TFEB: variants seen among roughly 807,000 people sequenced by gnomAD.
TFEB encodes transcription factor EB, also known as T-cell transcription factor EB.
Under a neutral mutation model 48.0 loss-of-function variants are expected in TFEB, and 12 were observed. That is an observed-to-expected ratio of 0.25 (90% confidence interval 0.16 to 0.40). The LOEUF (loss-of-function observed/expected upper bound fraction) is 0.40, where lower values mean the gene tolerates loss of function less well. Among genes scored for constraint, TFEB ranks in the 10% least tolerant of loss-of-function variants. The pLI is 1.00. For synonymous variants in TFEB, 244 were observed against 261.4 expected (o/e 0.93, Z 0.64); for missense variants, 509 against 640.3 (o/e 0.79, Z 2.21).
At chr6:41,703,369 C>T (rs1020484720) in intron 1 of TFEB, among the ~76,000 whole-genome samples, 1 of 152,192 alleles carries the variant, frequency 6.6e-6, no homozygotes, top group Non-Finnish European at 1.5e-5. Flanking sequence ...AAGCCACCCC[C>T]GCCTCAGCCC....
chr6:41,686,141 G>C lies in TFEB; in HGVS notation c.900C>G (p.Asn300Lys). 3.1e-6 allele frequency: 5 copies of C among 1,614,254 alleles called. No individual in the cohort carries two copies. The East Asian group carries it at 8.9e-5, about 29-fold the overall frequency. ...KDLQKSRELE[N>K]HSRRLEMTNK... ...TGGTCATCTCCAGGCGGCGAGAGTG[G>C]TTCTCCAGCTCCCTGGACTTTTGCA... The change falls in exon 8 of 9, where the codon AAC becomes AAG. Residue 300 changes from asparagine (N) to lysine (K), a missense_variant. Coordinates refer to ENST00000373033, the MANE Select transcript of TFEB (RefSeq NM_001271944.2).
chr6:41,733,346 TCCCCTGC>T (rs1342725948), intron 1 of TFEB: 1 of 155,906 alleles, frequency 6.4e-6, no homozygotes, highest in African/African-American at 2.4e-5. Context: ...ACCTAGGGTG[TCCCCTGC>T]CCTATCCCCT....
chr6:41,697,654 C>T lies in TFEB; in HGVS notation c.-22-6419G>A, dbSNP rs6910884. Among the ~76,000 whole-genome samples, 1,025 of 152,112 alleles carry T rather than the reference C, an allele frequency of 6.7e-3. 6 individuals are homozygous for T. Among genetic ancestry groups the T allele is most frequent in the African/African-American group, 0.023 (974 of 41,470 alleles). On this transcript the variant is annotated intron_variant, in intron 1 of 8. Transcript: ENST00000373033. ...AAGCCTTGAAAAATATTCACCAGTC[C>T]AAGGAAGTAATCATAGATGCAGAAA...
At chr6:41,731,048 C>T (rs1355076519) in intron 1 of TFEB, among the ~76,000 whole-genome samples, 2 of 152,180 alleles carry the variant, frequency 1.3e-5, no homozygotes, top group Non-Finnish European at 2.9e-5. Flanking sequence ...TAGAGCTCTC[C>T]ATGCCTCTAT....
At chr6:41,733,141 G>A in intron 1 of TFEB, 1 of 732,460 alleles carries the variant, frequency 1.4e-6, no homozygotes, top group Non-Finnish European at 1.7e-6. Context: ...AGGGCAGCCA[G>A]ACTTGAGGGG....
intron 6 of TFEB, among the ~76,000 whole-genome samples, chr6:41,687,395 TGG>T (rs1769067501): frequency 6.6e-6 from 1 of 152,220 alleles, no homozygotes; most frequent in Admixed American, 6.5e-5. Context: ...GAATCAGCCA[TGG>T]TGATGCTCGT....
intron 1 of TFEB, among the ~76,000 whole-genome samples, chr6:41,715,205 C>A (rs761983866): frequency 1.3e-5 from 2 of 152,092 alleles, no homozygotes; most frequent in African/African-American, 2.4e-5. Context: ...CTCCATGTTG[C>A]GGAAGTCTGG....
At chr6:41,728,238 C>T (rs1407066312) in intron 1 of TFEB, among the ~76,000 whole-genome samples, 2 of 152,242 alleles carry the variant, frequency 1.3e-5, no homozygotes, top group Non-Finnish European at 2.9e-5. Flanking sequence ...CTTGTTCCCA[C>T]CCGCCCTGCT....
chr6:41,725,263 G>A (rs1386012726), intron 1 of TFEB, among the ~76,000 whole-genome samples: 1 of 152,154 alleles, frequency 6.6e-6, no homozygotes, highest in East Asian at 1.9e-4. Flanking sequence ...GATGTTTAGT[G>A]GTATCCCTGG....
intron 1 of TFEB, among the ~76,000 whole-genome samples, chr6:41,694,109 C>T (rs372292247): frequency 6.6e-6 from 1 of 152,208 alleles, no homozygotes; most frequent in East Asian, 1.9e-4. Context: ...GAATGATCCC[C>T]TTGTTTCTCT....
In TFEB at chr6:41,735,495, C is replaced by T. The variant is rs1771643871; in HGVS notation, c.-168G>A. ...GTGCCACCAGGGAGGCCCGCCCCGT[C>T]CGCCCTTCCCGCCGCCGTCGGCGCC... On this transcript the variant is annotated 5_prime_UTR_variant, in exon 1 of 9. Coordinates refer to ENST00000373033, the MANE Select transcript of TFEB (RefSeq NM_001271944.2). 1 of 984,558 alleles carries T rather than the reference C, an allele frequency of 1.0e-6. No homozygotes were observed. Among genetic ancestry groups the T allele is most frequent in the Non-Finnish European group, 1.2e-6 (1 of 829,734 alleles). 61.0% of individuals were successfully genotyped at this position (984,558 alleles called of 1,614,324 possible). A position where few individuals can be genotyped will look rare whatever the true frequency, so the allele number is the denominator to read the frequency against.
chr6:41,693,346 T>G (rs1213018719), intron 1 of TFEB, among the ~76,000 whole-genome samples: 1 of 152,216 alleles, frequency 6.6e-6, no homozygotes, highest in African/African-American at 2.4e-5. Flanking sequence ...CTCCTTCACC[T>G]GGAAGAGCCC....
chr6:41,707,520 C>T (rs1770291065), intron 1 of TFEB, among the ~76,000 whole-genome samples: 1 of 152,208 alleles, frequency 6.6e-6, no homozygotes, highest in Admixed American at 6.5e-5. Flanking sequence ...AGGCCCAGCC[C>T]CTGCCCCATC....
intron 1 of TFEB, among the ~76,000 whole-genome samples, chr6:41,716,728 TA>T (rs1198078738): frequency 6.6e-6 from 1 of 151,888 alleles, no homozygotes; most frequent in Admixed American, 6.6e-5. Context: ...GAAACAGGGC[TA>T]AAAATAGACT....
chr6:41,691,251 G>C lies in TFEB; in HGVS notation c.-22-16C>G. 3 of 1,557,070 alleles carry C rather than the reference G, an allele frequency of 1.9e-6. No homozygotes were observed. The highest frequency in any genetic ancestry group is 2.6e-6 in the Non-Finnish European group (3 of 1,149,048). On this transcript the variant is annotated splice_polypyrimidine_tract_variant and intron_variant, in intron 1 of 8. Coordinates refer to ENST00000373033, the MANE Select transcript of TFEB (RefSeq NM_001271944.2). The surrounding 1 kb of genome is among the most constrained non-coding windows in gnomAD (Gnocchi z 5.2). ...CGCTGGCTCCCTGTGGATGAGAAGGGGCAGCAGGTATATGAGGCACGTGTC... is the reference window on the plus strand; with the variant it reads ...CGCTGGCTCCCTGTGGATGAGAAGGCGCAGCAGGTATATGAGGCACGTGTC...
intron 1 of TFEB, among the ~76,000 whole-genome samples, chr6:41,725,638 C>A (rs1771173916): frequency 6.6e-6 from 1 of 152,224 alleles, no homozygotes; most frequent in South Asian, 2.1e-4. Context: ...CCGTTTTGAT[C>A]ATATATTCCT....
At chr6:41,729,309 C>T (rs1771356222) in intron 1 of TFEB, among the ~76,000 whole-genome samples, 1 of 152,076 alleles carries the variant, frequency 6.6e-6, no homozygotes, top group Admixed American at 6.6e-5. Flanking sequence ...AGGGACCCTC[C>T]CCCTACCCTC....
chr6:41,735,654 TC>T, upstream of TFEB: 1 of 778,874 alleles, frequency 1.3e-6, no homozygotes, highest in Non-Finnish European at 1.6e-6. Context: ...CCGCCCCGCC[TC>T]CCAGCCGCTC....
chr6:41,735,160 G>A, intron 1 of TFEB, 190 bp downstream of exon 1: 6 of 942,188 alleles, frequency 6.4e-6, no homozygotes, highest in Non-Finnish European at 7.6e-6. Context: ...AGCGCCGCTC[G>A]GGCCACGCGC....
Sources: gnomAD v4.1 joint callset for allele counts (sites outside exome capture counted in the v4.1 genomes callset) on GRCh38, gnomAD v4.1.1 for gene constraint, Gnocchi (gnomAD v3.1) non-coding constraint, MANE v1.5 for transcripts, NCBI Gene and HGNC (gene_info 2026-07-23, HGNC 2026-07-21) for gene names.